The following SLC9C1 variants were observed in gnomAD, a reference collection of about 807,000 sequenced individuals.
SLC9C1 encodes solute carrier family 9 member C1.
In SLC9C1, 97 loss-of-function variants were observed where a neutral mutation model predicts 140.9. That is an observed-to-expected ratio of 0.69 (90% CI 0.58 to 0.82). The LOEUF (loss-of-function observed/expected upper bound fraction) is 0.82, where lower values mean the gene tolerates loss of function less well. Ranked by LOEUF, SLC9C1 falls within the 40% of genes least tolerant of loss-of-function variation. The pLI is 0.00. For missense variants in SLC9C1, 1,340 were observed against 1,389.3 expected (o/e 0.96, Z 0.56); for synonymous variants, 440 against 442.6 (o/e 0.99, Z 0.07).
At chr3:112,205,638 C>CATGACTTCAAACTA (rs1412005171) in intron 16 of SLC9C1, among the ~76,000 whole-genome samples, 2 of 64,554 alleles carry the variant, frequency 3.1e-5, no homozygotes, top group East Asian at 4.1e-3. Context: ...CAGCATGGTA[C>CATGACTTCAAACTA]TGGTACCAAA....
chr3:112,233,399 GCCT>G (rs1428535700), intron 12 of SLC9C1, among the ~76,000 whole-genome samples: 1 of 151,946 alleles, frequency 6.6e-6, no homozygotes, highest in Non-Finnish European at 1.5e-5. Context: ...CCAATACACA[GCCT>G]CCTCTTTTGA....
intron 12 of SLC9C1, among the ~76,000 whole-genome samples, chr3:112,231,748 G>T (rs1328467622): frequency 4.6e-5 from 7 of 152,128 alleles, no homozygotes; most frequent in African/African-American, 1.7e-4. Context: ...AGTTTAAAAA[G>T]CTATCACATA....
intron 10 of SLC9C1, among the ~76,000 whole-genome samples, chr3:112,249,648 T>C (rs1349859713): frequency 1.3e-5 from 2 of 152,156 alleles, no homozygotes; most frequent in African/African-American, 4.8e-5. Context: ...AGGGTTTCAA[T>C]TTATTCCTGG....
intron 2 of SLC9C1, among the ~76,000 whole-genome samples, chr3:112,283,311 T>G (rs185247117): frequency 9.2e-5 from 14 of 152,176 alleles, no homozygotes; most frequent in Non-Finnish European, 1.3e-4. Context: ...AATGAAATCC[T>G]GTCTCTACAA....
intron 23 of SLC9C1, among the ~76,000 whole-genome samples, chr3:112,175,270 C>T (rs1170075129): frequency 6.6e-6 from 1 of 152,190 alleles, no homozygotes. Flanking sequence ...CTGAAGGTAA[C>T]AATGAGTGGA....
chr3:112,226,533 C>T (rs900375428), intron 13 of SLC9C1, among the ~76,000 whole-genome samples: 1 of 151,722 alleles, frequency 6.6e-6, no homozygotes, highest in Non-Finnish European at 1.5e-5. Flanking sequence ...ACCAGCCTGG[C>T]CAACATGGTG....
intron 12 of SLC9C1, 102 bp downstream of exon 12, chr3:112,239,738 A>T (rs2079089992): frequency 1.5e-5 from 17 of 1,157,552 alleles, no homozygotes; most frequent in Non-Finnish European, 2.0e-5. Context: ...TTCTCTATCA[A>T]TTACAAATAT....
intron 1 of SLC9C1, among the ~76,000 whole-genome samples, chr3:112,292,047 T>C (rs2080699528): frequency 6.6e-6 from 1 of 152,182 alleles, no homozygotes; most frequent in Admixed American, 6.5e-5. Context: ...TGTTCTCACT[T>C]ATAAGTGGAA....
At chr3:112,259,133 T>C (rs994566691) in intron 10 of SLC9C1, among the ~76,000 whole-genome samples, 1 of 152,036 alleles carries the variant, frequency 6.6e-6, no homozygotes, top group East Asian at 1.9e-4. Context: ...AAGAATGAGA[T>C]CATGTCCTGC....
chr3:112,270,164 C>A, intron 6 of SLC9C1, 87 bp from the exon 7 acceptor site: 2 of 1,340,352 alleles, frequency 1.5e-6, no homozygotes, highest in South Asian at 1.8e-5. Context: ...TCCTTTTTGT[C>A]ATTATCTTTA....
chr3:112,267,613 G>A (rs1460991844), intron 7 of SLC9C1, among the ~76,000 whole-genome samples: 1 of 139,738 alleles, frequency 7.2e-6, no homozygotes, highest in African/African-American at 2.6e-5. Context: ...AGAGAGAGAA[G>A]GAAATTTTAA....
chr3:112,269,735 A>C (rs191162096), intron 7 of SLC9C1, among the ~76,000 whole-genome samples, 181 bp downstream of exon 7: 46 of 136,442 alleles, frequency 3.4e-4, no homozygotes, highest in Non-Finnish European at 5.4e-4. Flanking sequence ...ATATTGGTAC[A>C]TTGTTTCTGT....
At chr3:112,277,888 A>G (rs756602072) in intron 4 of SLC9C1, 28 bp from the exon 5 acceptor site, 2 of 1,556,252 alleles carry the variant, frequency 1.3e-6, no homozygotes, top group East Asian at 2.3e-5. Flanking sequence ...AATTAGAAAA[A>G]TCAGACTGCT....
chr3:112,176,719 T>C (rs761205657), intron 23 of SLC9C1, among the ~76,000 whole-genome samples: 36 of 152,206 alleles, frequency 2.4e-4, no homozygotes, highest in Non-Finnish European at 4.3e-4. Context: ...TGAGCTTGTA[T>C]AGGCTGGGTT....
At chr3:112,274,383 C>T (rs996027247) in intron 6 of SLC9C1, among the ~76,000 whole-genome samples, 7 of 151,982 alleles carry the variant, frequency 4.6e-5, no homozygotes, top group Non-Finnish European at 1.0e-4. Context: ...TATCTGAAAG[C>T]GGTAAATGAA....
intron 14 of SLC9C1, among the ~76,000 whole-genome samples, chr3:112,218,091 G>A (rs2078435014): frequency 6.6e-6 from 1 of 151,772 alleles, no homozygotes; most frequent in Non-Finnish European, 1.5e-5. Context: ...AGTTAAAATA[G>A]TAACTTAGAA....
At chr3:112,286,909 G>T in intron 1 of SLC9C1, 31 bp from the exon 2 acceptor site, 3 of 543,140 alleles carry the variant, frequency 5.5e-6, no homozygotes, top group South Asian at 6.0e-5. Flanking sequence ...CTTCTTGGTG[G>T]CCTTCTAATA....
intron 20 of SLC9C1, among the ~76,000 whole-genome samples, chr3:112,189,251 A>G (rs1053448729): frequency 3.3e-5 from 5 of 152,062 alleles, no homozygotes; most frequent in African/African-American, 1.2e-4. Context: ...CCATTTGTCA[A>G]TTTTGGCTTT....
At chr3:112,147,493 C>T in intron 28 of SLC9C1, 1 of 420,638 alleles carries the variant, frequency 2.4e-6, no homozygotes, top group Non-Finnish European at 4.7e-6. Context: ...GTAATGAATT[C>T]CCTTAGCACT....
Sources: gnomAD v4.1 joint callset for allele counts (sites outside exome capture counted in the v4.1 genomes callset) on GRCh38, gnomAD v4.1.1 for gene constraint, MANE v1.5 for transcripts, NCBI Gene and HGNC (gene_info 2026-07-23, HGNC 2026-07-21) for gene names.